The following TNFAIP8 variants were observed in gnomAD, a reference collection of about 807,000 sequenced individuals.
TNFAIP8 encodes the protein tumor necrosis factor alpha-induced protein 8.
A neutral mutation model predicts 13.3 loss-of-function variants in TNFAIP8; 7 were observed. The observed-to-expected ratio is 0.52, with a 90% CI of 0.30 to 0.99. The LOEUF (loss-of-function observed/expected upper bound fraction) is 0.99. Among genes scored for constraint, TNFAIP8 ranks in the 50% least tolerant of loss-of-function variants. The pLI, the probability that TNFAIP8 is intolerant of heterozygous loss-of-function variation, is 0.07. For synonymous variants in TNFAIP8, 94 were observed against 87.6 expected, an observed-to-expected ratio of 1.07 and a Z score of -0.41; for missense variants, 258 against 236.9, an observed-to-expected ratio of 1.09 and a Z score of -0.58.
chr5:119,323,174 C>T (rs1380958994), intron 1 of TNFAIP8, among the ~76,000 whole-genome samples: 1 of 152,224 alleles, frequency 6.6e-6, no homozygotes, highest in Non-Finnish European at 1.5e-5. Flanking sequence ...GCACCCCCTA[C>T]ACTTTCTCCA....
At chr5:119,300,121 C>A (rs1749338288) in intron 1 of TNFAIP8, among the ~76,000 whole-genome samples, 1 of 152,240 alleles carries the variant, frequency 6.6e-6, no homozygotes, top group Non-Finnish European at 1.5e-5. Flanking sequence ...ACCCACTGTC[C>A]TGTGCCCACT....
chr5:119,289,534 T>C (rs1369106817), intron 1 of TNFAIP8, among the ~76,000 whole-genome samples: 2 of 152,250 alleles, frequency 1.3e-5, no homozygotes, highest in East Asian at 1.9e-4. Context: ...TAAAAACTTA[T>C]GAAATGCTAT....
At chr5:119,338,094 G>T (rs1255516849) in intron 1 of TNFAIP8, among the ~76,000 whole-genome samples, 1 of 151,718 alleles carries the variant, frequency 6.6e-6, no homozygotes, top group Non-Finnish European at 1.5e-5. Context: ...TTCAGCTCCT[G>T]GGAGAGATCC....
intron 1 of TNFAIP8, among the ~76,000 whole-genome samples, chr5:119,314,568 G>A (rs1749828773): frequency 6.6e-6 from 1 of 152,200 alleles, no homozygotes; most frequent in Non-Finnish European, 1.5e-5. Context: ...ACCCAAATCA[G>A]TAAGAACTTG....
At chr5:119,382,910 A>T (rs941811147) in intron 1 of TNFAIP8, among the ~76,000 whole-genome samples, 1 of 152,230 alleles carries the variant, frequency 6.6e-6, no homozygotes, top group Non-Finnish European at 1.5e-5. Flanking sequence ...AATTATTTTC[A>T]CTGACTTTAT....
intron 1 of TNFAIP8, among the ~76,000 whole-genome samples, chr5:119,273,245 A>G (rs1748342252): frequency 6.6e-6 from 1 of 152,222 alleles, no homozygotes; most frequent in African/African-American, 2.4e-5. Context: ...CCTCTCCTGT[A>G]TCAGTGTGCA....
At chr5:119,312,581 G>A (rs1484503247) in intron 1 of TNFAIP8, among the ~76,000 whole-genome samples, 2 of 151,926 alleles carry the variant, frequency 1.3e-5, no homozygotes, top group African/African-American at 4.8e-5. Flanking sequence ...TTAAAGGGAA[G>A]AGTGTGAACT....
chr5:119,303,282 A>T (rs1749451187), intron 1 of TNFAIP8, among the ~76,000 whole-genome samples: 2 of 152,198 alleles, frequency 1.3e-5, no homozygotes, highest in Admixed American at 1.3e-4. Context: ...AGTGTATGTC[A>T]TCTAGAAAAT....
intron 1 of TNFAIP8, among the ~76,000 whole-genome samples, chr5:119,386,135 T>A (rs188177732): frequency 7.5e-4 from 114 of 152,150 alleles, no homozygotes; most frequent in Non-Finnish European, 3.1e-4. Context: ...GCAGTCTTTT[T>A]AAAAAAAATG....
chr5:119,277,495 G>A (rs746575447), intron 1 of TNFAIP8, among the ~76,000 whole-genome samples: 1 of 151,970 alleles, frequency 6.6e-6, no homozygotes, highest in Non-Finnish European at 1.5e-5. Flanking sequence ...TTGTTTGTGC[G>A]CACACTTGGC....
At chr5:119,363,922 T>C (rs1056384587) in intron 1 of TNFAIP8, among the ~76,000 whole-genome samples, 1 of 152,176 alleles carries the variant, frequency 6.6e-6, no homozygotes, top group African/African-American at 2.4e-5. Flanking sequence ...CTAGAACAGC[T>C]CATGAAACTC....
chr5:119,319,256 G>A (rs894700632), intron 1 of TNFAIP8, among the ~76,000 whole-genome samples: 95 of 152,282 alleles, frequency 6.2e-4, no homozygotes, highest in African/African-American at 2.2e-3. Flanking sequence ...CCTGGGCAAT[G>A]AAGTGAGACC....
intron 1 of TNFAIP8, among the ~76,000 whole-genome samples, chr5:119,314,779 A>AG (rs1749834000): frequency 1.3e-5 from 2 of 152,370 alleles, no homozygotes; most frequent in South Asian, 4.1e-4. Flanking sequence ...CTATAAAATG[A>AG]GGACATTAAT....
In TNFAIP8 at chr5:119,392,989, G is replaced by T; in HGVS notation, c.205G>T (p.Glu69Ter). 6.2e-7 allele frequency: 1 copy of T among 1,612,888 alleles called. No individual in the cohort carries two copies. The highest frequency in any genetic ancestry group is 1.1e-5 in the South Asian group (1 of 90,862). The change falls in exon 2 of 2, where the codon GAG becomes TAG. Residue 69 changes from glutamate to a stop codon, truncating the protein, a stop_gained. Coordinates refer to ENST00000504771, the MANE Select transcript of TNFAIP8 (RefSeq NM_014350.4). LOFTEE classifies it high-confidence loss of function. ...REYTQNKKEA[E>*]KIIKNLIKTV... ...GTACACCCAAAACAAGAAGGAGGCA[G>T]AGAAGATCATCAAGAACCTCATCAA...
At chr5:119,356,579 G>C (rs1751430174) in intron 1 of TNFAIP8, among the ~76,000 whole-genome samples, 1 of 152,024 alleles carries the variant, frequency 6.6e-6, no homozygotes, top group Non-Finnish European at 1.5e-5. Context: ...GTGAGGGGAA[G>C]CGAAAATCTG....
chr5:119,298,341 G>C (rs1167038724), intron 1 of TNFAIP8, among the ~76,000 whole-genome samples: 3 of 151,228 alleles, frequency 2.0e-5, no homozygotes, highest in African/African-American at 7.3e-5. Context: ...GTCTGTAAAG[G>C]ATTTTATTTC....
intron 1 of TNFAIP8, among the ~76,000 whole-genome samples, chr5:119,311,176 C>G (rs2112670748): frequency 6.6e-6 from 1 of 152,134 alleles, no homozygotes; most frequent in African/African-American, 2.4e-5. Flanking sequence ...GTACACATCA[C>G]CACACCTGGC....
chr5:119,310,505 C>G (rs974581504), intron 1 of TNFAIP8, among the ~76,000 whole-genome samples: 1 of 152,184 alleles, frequency 6.6e-6, no homozygotes, highest in African/African-American at 2.4e-5. Flanking sequence ...AGAGCGAAAC[C>G]TGGTCTGGGC....
chr5:119,368,434 TGTGTGTGTGTGTGTGTGTGTGTGTGC>T (rs1323928154), intron 1 of TNFAIP8, among the ~76,000 whole-genome samples: 1 of 133,206 alleles, frequency 7.5e-6, no homozygotes, highest in African/African-American at 3.0e-5. Flanking sequence ...AAGCAGCGTG[TGTGTGTGTGTGTGTGTGTGTGTGTGC>T]GTGTGTGTGT....
Sources: gnomAD v4.1 joint callset for allele counts (sites outside exome capture counted in the v4.1 genomes callset) on GRCh38, gnomAD v4.1.1 for gene constraint, MANE v1.5 for transcripts, NCBI Gene and HGNC (gene_info 2026-07-23, HGNC 2026-07-21) for gene names.